The following PACRG variants were observed in gnomAD, a reference collection of about 807,000 sequenced individuals.
The protein encoded by PACRG is parkin coregulated, also known as parkin coregulated gene protein.
A neutral mutation model predicts 29.7 loss-of-function variants in PACRG; 29 were observed. That is an observed-to-expected ratio of 0.98 (90% CI 0.73 to 1.33). The LOEUF is 1.33. Among genes scored for constraint, PACRG ranks in the 40% most tolerant of loss-of-function variants. The pLI is 0.00. For synonymous variants in PACRG, 116 were observed against 118.7 expected (o/e 0.98, Z 0.15); for missense variants, 279 against 316.2 (o/e 0.88, Z 0.89).
intron 1 of PACRG, among the ~76,000 whole-genome samples, chr6:162,788,758 A>T (rs1784710699): frequency 6.6e-6 from 1 of 152,222 alleles, no homozygotes; most frequent in Non-Finnish European, 1.5e-5. Context: ...TTTATGGCAT[A>T]TAATGCGGAG....
chr6:162,763,116 C>T (rs1241307633), intron 1 of PACRG, among the ~76,000 whole-genome samples: 1 of 152,184 alleles, frequency 6.6e-6, no homozygotes, highest in Non-Finnish European at 1.5e-5. Context: ...TTACAATATC[C>T]ATTCAAACTT....
chr6:162,986,000 T>G (rs1268994020), intron 2 of PACRG, among the ~76,000 whole-genome samples: 1 of 152,024 alleles, frequency 6.6e-6, no homozygotes, highest in African/African-American at 2.4e-5. Flanking sequence ...GGAATGTACC[T>G]AACCAAGGAT....
chr6:162,948,462 T>G (rs1256219816), intron 2 of PACRG, among the ~76,000 whole-genome samples: 1 of 152,032 alleles, frequency 6.6e-6, no homozygotes, highest in Admixed American at 6.6e-5. Context: ...GGGCAATGCT[T>G]CAGGAGATTG....
At chr6:163,198,943 C>A (rs1780585296) in intron 4 of PACRG, among the ~76,000 whole-genome samples, 1 of 152,122 alleles carries the variant, frequency 6.6e-6, no homozygotes, top group Admixed American at 6.5e-5. Context: ...AAACTCGAAA[C>A]AGGGAGGGGC....
At chr6:162,752,437 G>A (rs1034239654) in intron 1 of PACRG, among the ~76,000 whole-genome samples, 1 of 152,156 alleles carries the variant, frequency 6.6e-6, no homozygotes. Flanking sequence ...CCAGTATCCA[G>A]TAACATCAAG....
intron 2 of PACRG, among the ~76,000 whole-genome samples, chr6:162,892,858 A>T (rs1794866363): frequency 6.6e-6 from 1 of 151,656 alleles, no homozygotes; most frequent in African/African-American, 2.4e-5. Context: ...ATTCCAGTGG[A>T]GGGAGAAGAA....
At chr6:162,919,350 G>A (rs906612275) in intron 2 of PACRG, among the ~76,000 whole-genome samples, 2 of 152,196 alleles carry the variant, frequency 1.3e-5, no homozygotes, top group Non-Finnish European at 2.9e-5. Context: ...CAGATACGAA[G>A]TTGGGTGTTA....
At chr6:163,115,811 C>T (rs1390130087) in intron 4 of PACRG, among the ~76,000 whole-genome samples, 2 of 152,168 alleles carry the variant, frequency 1.3e-5, no homozygotes, top group Admixed American at 6.5e-5. Context: ...ACATAAGAAT[C>T]CTGCATTCCT....
rs1045504956 is a variant in PACRG at position 163,315,175 on chromosome 6, G to C, written c.*188G>C. On this transcript the variant is annotated 3_prime_UTR_variant, in exon 5 of 5. Transcript: ENST00000366888. ...GCTTTCCAATACATAAATAGTGTCT[G>C]TTTCTTAGATTACAATAGTGTACTG... 16 of 594,236 alleles carry C rather than the reference G, an allele frequency of 2.7e-5. No homozygotes were observed. The highest frequency in any genetic ancestry group is 2.0e-4 in the Admixed American group (6 of 30,072). The allele number at this position is 594,236 out of a possible 1,614,324, so 36.8% of individuals were successfully genotyped here.
At chr6:163,283,161 C>T (rs1289974382) in intron 4 of PACRG, among the ~76,000 whole-genome samples, 1 of 152,198 alleles carries the variant, frequency 6.6e-6, no homozygotes. Flanking sequence ...CTGTAATATA[C>T]ACTCAGTTTA....
intron 4 of PACRG, among the ~76,000 whole-genome samples, chr6:163,185,381 C>T (rs1232040675): frequency 2.0e-5 from 3 of 152,170 alleles, no homozygotes; most frequent in Admixed American, 6.5e-5. Flanking sequence ...ATAAGATGTC[C>T]TGAAGTTCAG....
chr6:162,817,466 C>T (rs991749789), intron 2 of PACRG, among the ~76,000 whole-genome samples: 1 of 152,132 alleles, frequency 6.6e-6, no homozygotes, highest in Non-Finnish European at 1.5e-5. Context: ...TGGCAGGCTG[C>T]GTGTCATCGT....
chr6:162,956,484 A>G (rs1800044850), intron 2 of PACRG, among the ~76,000 whole-genome samples: 1 of 152,194 alleles, frequency 6.6e-6, no homozygotes, highest in Admixed American at 6.5e-5. Flanking sequence ...ACACAGTACC[A>G]CAAGAAAGGG....
intron 2 of PACRG, among the ~76,000 whole-genome samples, chr6:163,021,292 C>A (rs1257611411): frequency 6.6e-6 from 1 of 152,224 alleles, no homozygotes; most frequent in African/African-American, 2.4e-5. Context: ...TGTTGGCCCC[C>A]ATCTGGGTTG....
chr6:162,730,434 C>T (rs1002850356), intron 1 of PACRG, among the ~76,000 whole-genome samples: 1 of 152,078 alleles, frequency 6.6e-6, no homozygotes, highest in Non-Finnish European at 1.5e-5. Flanking sequence ...CCCTCCAAAC[C>T]ACTTTTCCAG....
At chr6:163,285,951 T>C (rs976774582) in intron 4 of PACRG, among the ~76,000 whole-genome samples, 6 of 152,248 alleles carry the variant, frequency 3.9e-5, no homozygotes, top group Non-Finnish European at 8.8e-5. Flanking sequence ...CAGAGGCTCC[T>C]TGTCTTGAAC....
At chr6:163,131,411 G>C (rs1398148416) in intron 4 of PACRG, among the ~76,000 whole-genome samples, 2 of 152,118 alleles carry the variant, frequency 1.3e-5, no homozygotes, top group Non-Finnish European at 2.9e-5. Context: ...AGAATGCCCC[G>C]TGAAGATGGA....
chr6:162,884,919 G>C (rs369250049), intron 2 of PACRG, among the ~76,000 whole-genome samples: 1 of 152,140 alleles, frequency 6.6e-6, no homozygotes, highest in African/African-American at 2.4e-5. Flanking sequence ...CCCGTGTAAC[G>C]TACTGAAATT....
intron 1 of PACRG, among the ~76,000 whole-genome samples, chr6:162,808,915 C>T (rs753322663): frequency 3.3e-5 from 5 of 152,040 alleles, no homozygotes; most frequent in African/African-American, 4.8e-5. Context: ...TTTTCAGAGT[C>T]GTTTTGCTTG....
Sources: gnomAD v4.1 joint callset for allele counts (sites outside exome capture counted in the v4.1 genomes callset) on GRCh38, gnomAD v4.1.1 for gene constraint, MANE v1.5 for transcripts, NCBI Gene and HGNC (gene_info 2026-07-23, HGNC 2026-07-21) for gene names.